GRK1: variants seen among roughly 807,000 people sequenced by gnomAD.
GRK1 encodes rhodopsin kinase GRK1.
Under a neutral mutation model 41.7 loss-of-function variants are expected in GRK1, and 28 were observed. The observed-to-expected ratio is 0.67, with a 90% confidence interval of 0.50 to 0.92. The LOEUF (loss-of-function observed/expected upper bound fraction) is 0.92, where lower values mean the gene tolerates loss of function less well. Ranked by LOEUF, GRK1 falls within the 40% of genes least tolerant of loss-of-function variation. The probability of loss-of-function intolerance (pLI) is 0.00; values close to 1 mark genes in which losing one functional copy is unlikely to be tolerated. For missense variants in GRK1, 703 were observed against 671.2 expected (o/e 1.05, Z -0.52); for synonymous variants, 327 against 286.7 (o/e 1.14, Z -1.42).
chr13:113,652,326 C>T, the GRK1 span, among the ~76,000 whole-genome samples: 1 of 152,242 alleles, frequency 6.6e-6, no homozygotes, highest in Non-Finnish European at 1.5e-5. Context: ...CACAAGCCTG[C>T]AGCCTCTTAA....
At position 113,671,740 on chromosome 13, in the gene GRK1, C is replaced by T. The variant is rs2049859570; in HGVS notation, c.985+84C>T. ...CCTTGGGGGTCTCTGCACAACCTCA[C>T]GAGGGCTGACGGCTGTGTGGACGGT... On this transcript the variant is annotated intron_variant, in intron 3 of 6. Coordinates refer to ENST00000335678, the MANE Select transcript of GRK1 (RefSeq NM_002929.3). This position sits in a 1 kb window ranked among gnomAD's most constrained non-coding sequence, Gnocchi z 4.1. The T allele has an allele frequency of 4.3e-6, 3 of 693,682 alleles. No homozygotes were observed. The highest frequency in any genetic ancestry group is 5.4e-5 in the East Asian group (2 of 37,072). The allele number at this position is 693,682 out of a possible 1,614,324, so 43.0% of individuals were successfully genotyped here. A position where few individuals can be genotyped will look rare whatever the true frequency, so the allele number is the denominator to read the frequency against.
In GRK1 at chr13:113,731,353, G is replaced by C; in HGVS notation, c.1194+10G>C. 6.5e-7 allele frequency: 1 copy of C among 1,536,620 alleles called. No individual in the cohort carries two copies. Among genetic ancestry groups the C allele is most frequent in the Non-Finnish European group, 8.7e-7 (1 of 1,146,720 alleles). On this transcript the variant is annotated intron_variant, in intron 5 of 6. Transcript: ENST00000335678. This position sits in a 1 kb window ranked among gnomAD's most constrained non-coding sequence, Gnocchi z 5.6. ...AGCCCGTGGAGAGAAGGTAGGAGGC[G>C]GCCGGCAGGTGTCTCTGCAGCCACC...
At chr13:113,651,744 T>C in the GRK1 span, 1 of 1,612,824 alleles carries the variant, frequency 6.2e-7, no homozygotes, top group Middle Eastern at 1.7e-4. Context: ...GGGAAAAGCT[T>C]GAGCGTGGCC....
chr13:113,731,565 G>T lies in GRK1; in HGVS notation c.1194+222G>T, dbSNP rs956535034. 3.9e-5 allele frequency among the ~76,000 whole-genome samples: 6 copies of T among 152,124 alleles called. No homozygotes were observed. Among genetic ancestry groups the T allele is most frequent in the African/African-American group, 1.2e-4 (5 of 41,418 alleles). The stretch of plus-strand genomic sequence containing the variant: ...GCCCCTGAGGCCTGCAGGTGGAGGG[G>T]CTGAGGGATTCCCAGTCACCCTGTG... On this transcript the variant is annotated intron_variant, in intron 5 of 6. Transcript: ENST00000335678. This position sits in a 1 kb window ranked among gnomAD's most constrained non-coding sequence, Gnocchi z 5.6.
chr13:113,652,874 C>T, the GRK1 span: 5 of 1,614,136 alleles, frequency 3.1e-6, no homozygotes, highest in South Asian at 5.5e-5. Flanking sequence ...AGTACTCACC[C>T]TGTTCATTTT....
rs1566701196 is a variant in GRK1 at position 113,735,138 on chromosome 13, C to CT, written c.1471dup (p.Ser491PhefsTer9). ...CAAAGGATATTCAGGACGTGGGTGC[C>CT]TTTTCCACCGTCAAAGGTGTGGCCT... is the stretch of plus-strand genomic sequence containing the variant. On this transcript the variant is annotated frameshift_variant, in exon 7 of 7. Coordinates refer to ENST00000335678, the MANE Select transcript of GRK1 (RefSeq NM_002929.3). LOFTEE classifies it low-confidence loss of function (END_TRUNC). 1 of 1,537,144 alleles carries CT rather than the reference C, an allele frequency of 6.5e-7. No homozygotes were observed. Among genetic ancestry groups the CT allele is most frequent in the Non-Finnish European group, 8.7e-7 (1 of 1,146,846 alleles).
At chr13:113,662,647 T>C (rs2049796832), upstream of GRK1, among the ~76,000 whole-genome samples, 1 of 152,216 alleles carries the variant, frequency 6.6e-6, no homozygotes, top group Non-Finnish European at 1.5e-5. Flanking sequence ...TACATCTATA[T>C]ACTAGCAATA....
rs372306740 is a variant in GRK1 at position 113,671,366 on chromosome 13, C to T, written c.828-133C>T. The stretch of plus-strand genomic sequence containing the variant: ...GGCCTTCGGGTGTCCTCTGCAGGGA[C>T]GTAGGGGGGCCAGGCCTCAAAACGA... On this transcript the variant is annotated intron_variant, in intron 2 of 6. Transcript: ENST00000335678. This position sits in a 1 kb window ranked among gnomAD's most constrained non-coding sequence, Gnocchi z 4.1. 3.1e-5 allele frequency: 21 copies of T among 687,348 alleles called. No homozygotes were observed. Among genetic ancestry groups the T allele is most frequent in the East Asian group, 1.3e-4 (5 of 38,622 alleles). 42.6% of individuals were successfully genotyped at this position (687,348 alleles called of 1,614,324 possible).
chr13:113,723,139 G>A lies in GRK1; in HGVS notation c.1051G>A (p.Gly351Ser). Residue 351 changes from glycine (G) to serine (S), a missense_variant, in exon 4 of 7, where the codon GGC (glycine) becomes AGC (serine). Physicochemically the swap from Gly to Ser is moderately conservative, Grantham distance 56. Coordinates refer to ENST00000335678, the MANE Select transcript of GRK1 (RefSeq NM_002929.3). Reference sequence around the variant, plus strand: ...GCTGGACGGACAGAGCAAGACCAAGGGCTACGCAGGGACCCCAGGTAAGGG... The same window carrying A: ...GCTGGACGGACAGAGCAAGACCAAGAGCTACGCAGGGACCCCAGGTAAGGG... ...ELLDGQSKTK[G>S]YAGTPGFMAP... 1 of 701,406 alleles carries A rather than the reference G, an allele frequency of 1.4e-6. No homozygotes were observed. 43.4% of individuals were successfully genotyped at this position (701,406 alleles called of 1,614,324 possible). A position where few individuals can be genotyped will look rare whatever the true frequency, so the allele number is the denominator to read the frequency against.
the GRK1 span, among the ~76,000 whole-genome samples, chr13:113,651,431 C>G: frequency 6.6e-6 from 1 of 152,240 alleles, no homozygotes; most frequent in African/African-American, 2.4e-5. Context: ...GCTGCTGACA[C>G]GCTACTCAGA....
the GRK1 span, chr13:113,649,262 C>T: frequency 2.2e-6 from 3 of 1,378,554 alleles, no homozygotes; most frequent in Admixed American, 5.0e-5. The surrounding 1 kb of genome is among the most constrained non-coding windows in gnomAD (Gnocchi z 4.7). Flanking sequence ...ACCGTTGCTC[C>T]AAACCACTTT....
chr13:113,652,119 C>G, the GRK1 span, among the ~76,000 whole-genome samples: 1 of 152,226 alleles, frequency 6.6e-6, no homozygotes, highest in Non-Finnish European at 1.5e-5. Context: ...TCTGGCCCAC[C>G]CGGGCCTTCA....
Position 113,668,008 on chromosome 13 carries a change from C to T in GRK1, c.622C>T (p.Gln208Ter). 1.1e-5 allele frequency: 17 copies of T among 1,611,604 alleles called. No homozygotes were observed. Among genetic ancestry groups the T allele is most frequent in the Non-Finnish European group, 1.3e-5 (15 of 1,179,036 alleles). ...GGGCTTCGGGGAGGTGTCGGCCTGC[C>T]AGATGAAGGCGACCGGCAAGCTGTA... ...KGGFGEVSAC[Q>*]MKATGKLYAC... The change falls in exon 1 of 7, where the codon CAG (glutamine) becomes TAG (stop). Residue 208 changes from glutamine (Q) to a stop codon, truncating the protein, a stop_gained. Transcript: ENST00000335678. LOFTEE classifies it high-confidence loss of function.
intron 6 of GRK1, 97 bp from the exon 7 acceptor site, chr13:113,734,971 G>C (rs1355096937): frequency 6.6e-6 from 8 of 1,215,056 alleles, no homozygotes; most frequent in South Asian, 1.6e-5. Context: ...CCAGGCCTTT[G>C]TGCATCTGGG....
chr13:113,658,491 C>T, the GRK1 span, among the ~76,000 whole-genome samples: 1 of 152,246 alleles, frequency 6.6e-6, no homozygotes, highest in Non-Finnish European at 1.5e-5. Flanking sequence ...CCCTCCTCTC[C>T]TTCAGGAGGG....
At chr13:113,729,662 G>A (rs2049919281) in intron 4 of GRK1, among the ~76,000 whole-genome samples, 1 of 152,180 alleles carries the variant, frequency 6.6e-6, no homozygotes, top group African/African-American at 2.4e-5. Context: ...GACCTTGGCA[G>A]ATGAATGACT....
At chr13:113,665,415 G>A (rs2049811443), upstream of GRK1, among the ~76,000 whole-genome samples, 1 of 148,196 alleles carries the variant, frequency 6.7e-6, no homozygotes, top group Admixed American at 6.7e-5. Flanking sequence ...ATGTGCCCCA[G>A]CTGTCCCAGG....
the GRK1 span, among the ~76,000 whole-genome samples, chr13:113,658,558 A>T: frequency 2.0e-4 from 30 of 152,252 alleles, no homozygotes; most frequent in African/African-American, 7.0e-4. Context: ...CCTTGGGCTG[A>T]GCCAGCTGGG....
chr13:113,727,017 C>CT (rs1201753266), intron 4 of GRK1, among the ~76,000 whole-genome samples: 1 of 152,258 alleles, frequency 6.6e-6, no homozygotes, highest in Non-Finnish European at 1.5e-5. Context: ...AGCCTGCGGC[C>CT]TCTCTGCCTG....
Sources: allele counts gnomAD v4.1 joint callset (sites outside exome capture counted in the v4.1 genomes callset), GRCh38; gene constraint gnomAD v4.1.1; non-coding constraint Gnocchi (gnomAD v3.1); transcripts MANE v1.5; gene names NCBI Gene and HGNC (gene_info 2026-07-23, HGNC 2026-07-21).